TPRG1: variants seen among roughly 807,000 people sequenced by gnomAD.
TPRG1 encodes tumor protein p63 regulated 1.
Under a neutral mutation model 29.3 loss-of-function variants are expected in TPRG1, and 29 were observed. The ratio of observed to expected loss-of-function variants is 0.99; its 90% CI spans 0.74 to 1.35. The LOEUF (loss-of-function observed/expected upper bound fraction) is 1.35, where lower values mean the gene tolerates loss of function less well. Ranked by LOEUF, TPRG1 falls within the 40% of genes most tolerant of loss-of-function variation. The pLI is 0.00. For missense variants in TPRG1, 327 were observed against 335.0 expected (o/e 0.98, Z 0.19); for synonymous variants, 130 against 116.8 (o/e 1.11, Z -0.73).
intron 4 of TPRG1, among the ~76,000 whole-genome samples, chr3:189,053,410 C>T (rs984342765): frequency 1.3e-5 from 2 of 152,078 alleles, no homozygotes; most frequent in Non-Finnish European, 2.9e-5. Flanking sequence ...TTGTCTTATC[C>T]GAGTTTCTTT....
At chr3:189,078,687 A>G (rs1468174503) in intron 4 of TPRG1, among the ~76,000 whole-genome samples, 5 of 152,294 alleles carry the variant, frequency 3.3e-5, no homozygotes, top group Admixed American at 3.3e-4. Context: ...ATTATGCTTT[A>G]TTATGTAATT....
At chr3:189,244,764 A>C (rs1741134228) in intron 4 of TPRG1, among the ~76,000 whole-genome samples, 1 of 152,188 alleles carries the variant, frequency 6.6e-6, no homozygotes, top group South Asian at 2.1e-4. Flanking sequence ...TGGTGGGGAC[A>C]CAGATCCAAA....
chr3:189,136,924 A>G (rs975233915), intron 3 of TPRG1, among the ~76,000 whole-genome samples: 1 of 152,202 alleles, frequency 6.6e-6, no homozygotes, highest in African/African-American at 2.4e-5. Flanking sequence ...ACTGAGGGCT[A>G]CAACATACCA....
At chr3:189,030,946 C>T (rs903236944) in intron 4 of TPRG1, among the ~76,000 whole-genome samples, 1 of 152,174 alleles carries the variant, frequency 6.6e-6, no homozygotes, top group Admixed American at 6.5e-5. Flanking sequence ...TGTCTGTGCC[C>T]TATTACTTAT....
intron 3 of TPRG1, among the ~76,000 whole-genome samples, chr3:189,230,303 G>C (rs1052951280): frequency 1.3e-5 from 2 of 152,166 alleles, no homozygotes; most frequent in Non-Finnish European, 2.9e-5. Context: ...TGCAGCCTGG[G>C]ATGAGAGTCA....
intron 4 of TPRG1, among the ~76,000 whole-genome samples, chr3:189,294,536 G>T (rs1719551268): frequency 6.6e-6 from 1 of 152,082 alleles, no homozygotes; most frequent in African/African-American, 2.4e-5. Flanking sequence ...GTAAAAAAAT[G>T]CTACCAGCTC....
chr3:189,314,119 G>A (rs893438868), intron 5 of TPRG1, among the ~76,000 whole-genome samples: 5 of 152,212 alleles, frequency 3.3e-5, no homozygotes, highest in African/African-American at 1.2e-4. Flanking sequence ...GGATTGGGTA[G>A]ATGGTGATTC....
rs748891671 is a variant in TPRG1, at chr3:189,310,401, C to G, written c.495C>G (p.Gly165=). ...TTTCTTGTAGGAGACAAGGAGAAGG[C>G]CTTAGGATCTACTGGGGGAGTCCGG... ...GMSLDKRQGE[G]LRIYWGSPEE... Residue 165 remains glycine, a synonymous_variant, in exon 5 of 6, where the codon GGC becomes GGG. Transcript: ENST00000345063. 8.1e-6 allele frequency: 13 copies of G among 1,605,210 alleles called. No homozygotes were observed. Among genetic ancestry groups the G allele is most frequent in the African/African-American group, 1.3e-5 (1 of 74,396 alleles).
chr3:189,213,571 A>C (rs1735599418), intron 2 of TPRG1, among the ~76,000 whole-genome samples: 1 of 152,172 alleles, frequency 6.6e-6, no homozygotes, highest in Non-Finnish European at 1.5e-5. Context: ...TGTAAAGAAC[A>C]TGCTTTATTT....
intron 4 of TPRG1, among the ~76,000 whole-genome samples, chr3:189,067,721 T>G (rs1716546092): frequency 6.6e-6 from 1 of 152,078 alleles, no homozygotes; most frequent in South Asian, 2.1e-4. Flanking sequence ...ATGAAACTAC[T>G]AAAGGAAAAC....
At chr3:189,067,992 T>C (rs1170722728) in intron 4 of TPRG1, among the ~76,000 whole-genome samples, 1 of 152,004 alleles carries the variant, frequency 6.6e-6, no homozygotes, top group African/African-American at 2.4e-5. Flanking sequence ...AATAATCTGA[T>C]TAGAAAATGG....
rs1029123941 is a variant in TPRG1, at chr3:189,221,313, A to G, written c.302+5930A>G. Among the ~76,000 whole-genome samples, 16 of 152,374 alleles carry G rather than the reference A, an allele frequency of 1.1e-4. No individual in the cohort carries two copies. In the Middle Eastern group the frequency reaches 0.01, roughly 97 times the overall value. On this transcript the variant is annotated intron_variant, in intron 3 of 5. Coordinates refer to ENST00000345063, the MANE Select transcript of TPRG1 (RefSeq NM_198485.4). ...AAATGAGAGAATCTAGGCTCAGAAG[A>G]GTAGCACAGCTCTAAAGTTGCGGAA... is the stretch of plus-strand genomic sequence containing the variant.
At chr3:189,202,393 A>T (rs574702929) in intron 1 of TPRG1, among the ~76,000 whole-genome samples, 3 of 152,062 alleles carry the variant, frequency 2.0e-5, no homozygotes, top group Non-Finnish European at 4.4e-5. Context: ...AAGAATGTGG[A>T]TTTGTGCCAG....
rs149756150 is a variant in TPRG1, at chr3:189,219,910, G to C, written c.302+4527G>C. On this transcript the variant is annotated intron_variant, in intron 3 of 5. Transcript: ENST00000345063. ...CACCTGGTGTCTATCCCAGGGCTTCGGTGTAATTAATATGTGAAATCGGAC... is the reference window on the plus strand; with the variant it reads ...CACCTGGTGTCTATCCCAGGGCTTCCGTGTAATTAATATGTGAAATCGGAC... 2.1e-3 allele frequency: 602 copies of C among 291,908 alleles called. 4 individuals are homozygous for C. The highest frequency in any genetic ancestry group is 0.012 in the African/African-American group (540 of 43,958). The allele number at this position is 291,908 out of a possible 1,614,324, so 18.1% of individuals were successfully genotyped here. A position where few individuals can be genotyped will look rare whatever the true frequency, so the allele number is the denominator to read the frequency against.
intron 2 of TPRG1, among the ~76,000 whole-genome samples, chr3:189,130,776 C>T (rs990458164): frequency 1.3e-5 from 2 of 152,104 alleles, no homozygotes; most frequent in African/African-American, 4.8e-5. Context: ...TTAAAAAATC[C>T]AACAGTAGAG....
At chr3:189,192,595 A>T (rs775209314) in intron 1 of TPRG1, among the ~76,000 whole-genome samples, 4 of 152,186 alleles carry the variant, frequency 2.6e-5, no homozygotes, top group African/African-American at 9.6e-5. Context: ...CAAATAATTT[A>T]TGGTTATTGA....
intron 4 of TPRG1, among the ~76,000 whole-genome samples, chr3:189,302,046 A>G (rs1308659166): frequency 1.3e-5 from 2 of 152,218 alleles, no homozygotes; most frequent in Non-Finnish European, 2.9e-5. Context: ...ATTATGGCAC[A>G]TAGCACACAT....
intron 1 of TPRG1, among the ~76,000 whole-genome samples, chr3:189,190,354 T>C (rs1371698761): frequency 6.6e-6 from 1 of 152,192 alleles, no homozygotes; most frequent in Non-Finnish European, 1.5e-5. Context: ...CCCTGTGAGC[T>C]TCAGTTTCTA....
intron 1 of TPRG1, among the ~76,000 whole-genome samples, chr3:189,187,523 T>C (rs1731109507): frequency 6.6e-6 from 1 of 151,444 alleles, no homozygotes; most frequent in Non-Finnish European, 1.5e-5. Context: ...TTCACCATAT[T>C]GGTCAGGCTG....
Sources: allele counts gnomAD v4.1 joint callset (sites outside exome capture counted in the v4.1 genomes callset), GRCh38; gene constraint gnomAD v4.1.1; transcripts MANE v1.5; gene names NCBI Gene and HGNC (gene_info 2026-07-23, HGNC 2026-07-21).